Variants in STAT4 observed in about 807,000 individuals in gnomAD.
STAT4 encodes signal transducer and activator of transcription 4.
Under a neutral mutation model 110.5 loss-of-function variants are expected in STAT4, and 42 were observed. That is an observed-to-expected ratio of 0.38 (90% confidence interval 0.30 to 0.49). STAT4 has a LOEUF of 0.49. STAT4 is among the 20% of genes least tolerant of loss of function. The pLI is 0.95. For missense variants in STAT4, 632 were observed against 887.9 expected (o/e 0.71, Z 3.66); for synonymous variants, 284 against 302.2 (o/e 0.94, Z 0.63).
Position 191,113,059 on chromosome 2 carries a change from T to C in STAT4, c.273+33554A>G, listed in dbSNP as rs1166772106. 1.3e-5 allele frequency among the ~76,000 whole-genome samples: 2 copies of C among 152,240 alleles called. No homozygotes were observed. Among genetic ancestry groups the C allele is most frequent in the East Asian group, 3.8e-4 (2 of 5,200 alleles). On this transcript the variant is annotated intron_variant, in intron 3 of 23. Coordinates refer to ENST00000392320, the MANE Select transcript of STAT4 (RefSeq NM_003151.4). The surrounding 1 kb of genome is among the most constrained non-coding windows in gnomAD (Gnocchi z 4.8). ...CAAGTGGGCCCATCAGTTGTGCTGG[T>C]CTAAGCTCCCCATGTCTCATTGCTT...
In STAT4 at chr2:191,058,057, T is replaced by C; in HGVS notation, c.1167A>G (p.Glu389=). The C allele has an allele frequency of 1.2e-6, 2 of 1,614,124 alleles. No homozygotes were observed. The highest frequency in any genetic ancestry group is 1.7e-6 in the Non-Finnish European group (2 of 1,180,006). The change falls in exon 13 of 24, where the codon GAA becomes GAG. Residue 389 remains glutamate (E), a synonymous_variant. Transcript: ENST00000392320. This position sits in a 1 kb window ranked among gnomAD's most constrained non-coding sequence, Gnocchi z 4.3. ...CTACTGAGAGACTCCCATTGGAAGA[T>C]TCTTCAATAGACATGGCTTTGACAT... The part of the protein sequence containing the change: ...GTNVKAMSIE[E]SSNGSLSVEF...
chr2:191,069,889 A>G, intron 5 of STAT4, 118 bp from the exon 6 acceptor site: 1 of 708,186 alleles, frequency 1.4e-6, no homozygotes, highest in Non-Finnish European at 2.4e-6. Context: ...GCAACCAAAG[A>G]CCATAATGAA....
chr2:191,084,879 A>G (rs1328977331), intron 3 of STAT4, among the ~76,000 whole-genome samples: 1 of 151,920 alleles, frequency 6.6e-6, no homozygotes, highest in Admixed American at 6.6e-5. Context: ...GTTTATGAAA[A>G]TCTTACCTTA....
chr2:191,078,889 G>A (rs981752438), intron 3 of STAT4, among the ~76,000 whole-genome samples: 1 of 152,068 alleles, frequency 6.6e-6, no homozygotes, highest in Non-Finnish European at 1.5e-5. Flanking sequence ...TGCAGGCATG[G>A]AGATTTTTCT....
intron 3 of STAT4, among the ~76,000 whole-genome samples, chr2:191,095,802 A>G (rs1309998749): frequency 2.6e-5 from 4 of 152,230 alleles, no homozygotes; most frequent in Admixed American, 1.3e-4. Flanking sequence ...ACACAAAAAA[A>G]TCCTTCAAAA....
intron 3 of STAT4, 40 bp from the exon 4 acceptor site, chr2:191,076,365 G>A (rs775521147): frequency 1.4e-6 from 2 of 1,422,536 alleles, no homozygotes; most frequent in South Asian, 2.4e-5. Flanking sequence ...CTAACGTAAA[G>A]CTTAAATATA....
In STAT4 at chr2:191,117,430, T is replaced by A. The variant is rs1052077541; in HGVS notation, c.273+29183A>T. 3.9e-5 allele frequency among the ~76,000 whole-genome samples: 6 copies of A among 152,180 alleles called. No homozygotes were observed. Among genetic ancestry groups the A allele is most frequent in the African/African-American group, 1.2e-4 (5 of 41,448 alleles). On this transcript the variant is annotated intron_variant, in intron 3 of 23. Transcript: ENST00000392320. The surrounding 1 kb of genome is among the most constrained non-coding windows in gnomAD (Gnocchi z 5.2). ...GAACATCCTCGGGCATTTCTTCTTG[T>A]CCTAAAATAATACTTCTACAACTCC...
intron 8 of STAT4, among the ~76,000 whole-genome samples, chr2:191,064,286 A>C (rs1201666298): frequency 6.6e-6 from 1 of 152,232 alleles, no homozygotes; most frequent in Non-Finnish European, 1.5e-5. Flanking sequence ...AAGAGCTATT[A>C]AAATCTACTT....
rs1696075258 is a variant in STAT4 at position 191,037,447 on chromosome 2, C to T, written c.1435-1148G>A. Among the ~76,000 whole-genome samples the T allele has an allele frequency of 6.6e-6, 1 of 152,078 alleles. No homozygotes were observed. The highest frequency in any genetic ancestry group is 1.5e-5 in the Non-Finnish European group (1 of 68,028). On this transcript the variant is annotated intron_variant, in intron 16 of 23. Coordinates refer to ENST00000392320, the MANE Select transcript of STAT4 (RefSeq NM_003151.4). The surrounding 1 kb of genome is among the most constrained non-coding windows in gnomAD (Gnocchi z 4.8). Reference sequence around the variant, plus strand: ...GAAACTACAGGTGTGTACCATTGTGCCCAGCTAAATAAGAGAATATTCTGT... The same window carrying T: ...GAAACTACAGGTGTGTACCATTGTGTCCAGCTAAATAAGAGAATATTCTGT...
intron 3 of STAT4, among the ~76,000 whole-genome samples, chr2:191,108,080 C>G (rs1018220096): frequency 2.0e-5 from 3 of 152,016 alleles, no homozygotes; most frequent in African/African-American, 7.2e-5. Context: ...CACCTGAGGT[C>G]AGGAGTTCAA....
intron 14 of STAT4, chr2:191,041,534 CAATG>C (rs1020804807): frequency 6.6e-6 from 1 of 152,220 alleles, no homozygotes; most frequent in Non-Finnish European, 1.5e-5. Context: ...CTTAGTGTCA[CAATG>C]AATCTGTTCA....
At position 191,037,742 on chromosome 2, in the gene STAT4, T is replaced by C. The variant is rs1185241555; in HGVS notation, c.1435-1443A>G. Among the ~76,000 whole-genome samples the C allele has an allele frequency of 1.3e-5, 2 of 152,110 alleles. No individual in the cohort carries two copies. The highest frequency in any genetic ancestry group is 2.4e-5 in the African/African-American group (1 of 41,426). On this transcript the variant is annotated intron_variant, in intron 16 of 23. Coordinates refer to ENST00000392320, the MANE Select transcript of STAT4 (RefSeq NM_003151.4). This position sits in a 1 kb window ranked among gnomAD's most constrained non-coding sequence, Gnocchi z 4.8. ...AGAGGACACAGCATCCAACAAGGAATGGGCAATAGGAAGAGGAGGAATGAA... is the reference window on the plus strand; with the variant it reads ...AGAGGACACAGCATCCAACAAGGAACGGGCAATAGGAAGAGGAGGAATGAA...
At chr2:191,071,869 G>A (rs1380422343) in intron 5 of STAT4, among the ~76,000 whole-genome samples, 2 of 152,160 alleles carry the variant, frequency 1.3e-5, no homozygotes, top group Non-Finnish European at 2.9e-5. Flanking sequence ...GGAAGGGGAT[G>A]GAGCTAAGTG....
At chr2:191,070,737 A>G (rs1697120402) in intron 5 of STAT4, among the ~76,000 whole-genome samples, 2 of 152,172 alleles carry the variant, frequency 1.3e-5, no homozygotes, top group Non-Finnish European at 2.9e-5. Context: ...TTGGTTACAA[A>G]AAGTATAGAA....
intron 3 of STAT4, among the ~76,000 whole-genome samples, chr2:191,120,780 T>C (rs1192154371): frequency 1.3e-5 from 2 of 152,174 alleles, no homozygotes; most frequent in African/African-American, 2.4e-5. Context: ...TAATTCAAGA[T>C]GGATTACTTA....
At position 191,143,758 on chromosome 2, in the gene STAT4, G is replaced by A. The variant is rs986660264; in HGVS notation, c.273+2855C>T. On this transcript the variant is annotated intron_variant, in intron 3 of 23. Coordinates refer to ENST00000392320, the MANE Select transcript of STAT4 (RefSeq NM_003151.4). The surrounding 1 kb of genome is among the most constrained non-coding windows in gnomAD (Gnocchi z 5.6). Reference sequence around the variant, plus strand: ...CCAGAGGATGAAAATATTTAAACCAGATAAGCACAGCGTCAACAGCCTTTT... The same window carrying A: ...CCAGAGGATGAAAATATTTAAACCAAATAAGCACAGCGTCAACAGCCTTTT... 6.6e-6 allele frequency among the ~76,000 whole-genome samples: 1 copy of A among 151,996 alleles called. No homozygotes were observed. The highest frequency in any genetic ancestry group is 1.5e-5 in the Non-Finnish European group (1 of 68,014).
rs1699560258 is a variant in STAT4, at chr2:191,150,255, AG to A, written c.-2+691del. ...GGAAGAAGAAGGAATACATAGTCCT[AG>A]GACATTTTCTATTGCAGCCTCTGGG... On this transcript the variant is annotated intron_variant, in intron 1 of 23. Transcript: ENST00000392320. The surrounding 1 kb of genome is among the most constrained non-coding windows in gnomAD (Gnocchi z 6.4). 6.6e-6 allele frequency among the ~76,000 whole-genome samples: 1 copy of A among 152,244 alleles called. No homozygotes were observed. The highest frequency in any genetic ancestry group is 2.4e-5 in the African/African-American group (1 of 41,476).
chr2:191,141,205 A>G (rs1190136408), intron 3 of STAT4, among the ~76,000 whole-genome samples: 1 of 152,052 alleles, frequency 6.6e-6, no homozygotes, highest in Non-Finnish European at 1.5e-5. Context: ...CCATGTAACC[A>G]AAAACCACCT....
chr2:191,058,157 A>G lies in STAT4; in HGVS notation c.1112+45T>C. 2 of 1,613,824 alleles carry G rather than the reference A, an allele frequency of 1.2e-6. No homozygotes were observed. The highest frequency in any genetic ancestry group is 1.7e-6 in the Non-Finnish European group (2 of 1,179,766). On this transcript the variant is annotated intron_variant, in intron 12 of 23. Coordinates refer to ENST00000392320, the MANE Select transcript of STAT4 (RefSeq NM_003151.4). The surrounding 1 kb of genome is among the most constrained non-coding windows in gnomAD (Gnocchi z 4.3). Reference sequence around the variant, plus strand: ...ATTTACATGGTCTCAGGTAAAATAAATTTACAAGAGCAGCAACAAAGTTTC... The same window carrying G: ...ATTTACATGGTCTCAGGTAAAATAAGTTTACAAGAGCAGCAACAAAGTTTC...
Sources: gnomAD v4.1 joint callset for allele counts (sites outside exome capture counted in the v4.1 genomes callset) on GRCh38, gnomAD v4.1.1 for gene constraint, Gnocchi (gnomAD v3.1) non-coding constraint, MANE v1.5 for transcripts, NCBI Gene and HGNC (gene_info 2026-07-23, HGNC 2026-07-21) for gene names.